Variants in PPP2R5E observed in about 807,000 individuals in gnomAD.
The protein encoded by PPP2R5E is protein phosphatase 2 regulatory subunit B'epsilon, also known as serine/threonine-protein phosphatase 2A 56 kDa regulatory subunit epsilon isoform.
Under a neutral mutation model 65.3 loss-of-function variants are expected in PPP2R5E, and 4 were observed. The observed-to-expected ratio is 0.06, with a 90% CI of 0.03 to 0.14. The LOEUF is 0.14. Among genes scored for constraint, PPP2R5E ranks in the 10% least tolerant of loss-of-function variants. The pLI is 1.00. For missense variants in PPP2R5E, 274 were observed against 556.1 expected (o/e 0.49, Z 5.10); for synonymous variants, 183 against 187.4 (o/e 0.98, Z 0.19).
intron 3 of PPP2R5E, among the ~76,000 whole-genome samples, chr14:63,439,228 T>A (rs1008354110): frequency 6.6e-6 from 1 of 152,214 alleles, no homozygotes; most frequent in African/African-American, 2.4e-5. Flanking sequence ...ACCACAGTGC[T>A]AAGCACTGTT....
chr14:63,408,610 C>T (rs1463190421), intron 5 of PPP2R5E, among the ~76,000 whole-genome samples: 3 of 152,022 alleles, frequency 2.0e-5, no homozygotes, highest in African/African-American at 7.2e-5. Flanking sequence ...TAACTCTAAA[C>T]GTTTCAAGTT....
At chr14:63,389,586 T>C (rs1278877604) in intron 11 of PPP2R5E, 26 bp downstream of exon 11, 1 of 1,578,374 alleles carries the variant, frequency 6.3e-7, no homozygotes, top group Non-Finnish European at 8.6e-7. Flanking sequence ...TCATGCTCCC[T>C]GGCTCATGTC....
In PPP2R5E at chr14:63,419,452, C is replaced by T. The variant is rs188561979; in HGVS notation, c.456+2541G>A. Among the ~76,000 whole-genome samples the T allele has an allele frequency of 1.1e-4, 17 of 152,266 alleles. 1 individual carries two copies. Among genetic ancestry groups the T allele is most frequent in the Admixed American group, 1.1e-3 (17 of 15,304 alleles). On this transcript the variant is annotated intron_variant, in intron 4 of 13. Transcript: ENST00000337537. ...AAATGTTAAACTTCATGATAGGTGA[C>T]TATGACATGAATGACCTATCATGAA...
chr14:63,397,078 G>T (rs942550712), intron 5 of PPP2R5E, among the ~76,000 whole-genome samples: 2 of 152,190 alleles, frequency 1.3e-5, no homozygotes, highest in African/African-American at 4.8e-5. Flanking sequence ...GGCACATAGG[G>T]TTAAGTAACG....
At chr14:63,457,812 G>T (rs1160062260) in intron 2 of PPP2R5E, among the ~76,000 whole-genome samples, 4 of 151,176 alleles carry the variant, frequency 2.6e-5, no homozygotes, top group Non-Finnish European at 4.4e-5. Flanking sequence ...TCACAGCTTG[G>T]TAAGATCCCA....
chr14:63,397,329 C>A (rs1432729019), intron 5 of PPP2R5E, among the ~76,000 whole-genome samples: 1 of 151,896 alleles, frequency 6.6e-6, no homozygotes, highest in Non-Finnish European at 1.5e-5. Context: ...TGGTGAAACC[C>A]CGTCTCTAGT....
At chr14:63,441,189 C>T (rs557470218) in intron 3 of PPP2R5E, among the ~76,000 whole-genome samples, 6 of 148,740 alleles carry the variant, frequency 4.0e-5, no homozygotes, top group Non-Finnish European at 7.5e-5. Context: ...AGAAGGCATA[C>T]GGGTGCTGGC....
chr14:63,503,460 G>A (rs1891998880), intron 2 of PPP2R5E, among the ~76,000 whole-genome samples: 1 of 152,080 alleles, frequency 6.6e-6, no homozygotes, highest in African/African-American at 2.4e-5. Context: ...ATATCCCCCA[G>A]GTAAAAGATA....
At chr14:63,435,113 T>A (rs1337566904) in intron 3 of PPP2R5E, among the ~76,000 whole-genome samples, 2 of 152,180 alleles carry the variant, frequency 1.3e-5, no homozygotes, top group Admixed American at 1.3e-4. Context: ...AAGGGGAATT[T>A]TCTGGGGAGA....
intron 2 of PPP2R5E, among the ~76,000 whole-genome samples, chr14:63,507,576 T>C (rs77709990): frequency 1.2e-5 from 1 of 80,774 alleles, no homozygotes; most frequent in Non-Finnish European, 2.4e-5. Context: ...GGTAATTCTC[T>C]TTTTTTTTTT....
intron 4 of PPP2R5E, 119 bp from the exon 5 acceptor site, chr14:63,415,351 A>ATTT: frequency 1.7e-6 from 1 of 584,590 alleles, no homozygotes; most frequent in Non-Finnish European, 2.8e-6. Context: ...TTTAATATCA[A>ATTT]TCAACAAACC....
intron 4 of PPP2R5E, among the ~76,000 whole-genome samples, chr14:63,417,902 C>G (rs559858950): frequency 6.6e-6 from 1 of 152,248 alleles, no homozygotes; most frequent in East Asian, 1.9e-4. Context: ...TTTGACCTTG[C>G]AGGACATGGA....
chr14:63,477,808 G>A lies in PPP2R5E; in HGVS notation c.158-23923C>T, dbSNP rs563093685. Among the ~76,000 whole-genome samples the A allele has an allele frequency of 2.6e-5, 4 of 151,014 alleles. 1 individual carries two copies. Among genetic ancestry groups the A allele is most frequent in the African/African-American group, 9.7e-5 (4 of 41,264 alleles). Reference sequence around the variant, plus strand: ...CTTCAGCAGCATATATACTAAAACTGGAATGATACAGAGAAGATTAGCATG... The same window carrying A: ...CTTCAGCAGCATATATACTAAAACTAGAATGATACAGAGAAGATTAGCATG... On this transcript the variant is annotated intron_variant, in intron 2 of 13. Transcript: ENST00000337537.
intron 11 of PPP2R5E, among the ~76,000 whole-genome samples, chr14:63,388,403 T>C (rs561649246): frequency 1.3e-5 from 2 of 152,312 alleles, no homozygotes; most frequent in African/African-American, 4.8e-5. Context: ...CCTCCCAAAG[T>C]GCTGGGATCA....
At chr14:63,404,095 G>A (rs1301569739) in intron 5 of PPP2R5E, among the ~76,000 whole-genome samples, 1 of 152,116 alleles carries the variant, frequency 6.6e-6, no homozygotes, top group East Asian at 1.9e-4. Context: ...ATAGGACTCT[G>A]GTTTGGAGAA....
At chr14:63,447,060 T>C (rs1361241853) in intron 3 of PPP2R5E, among the ~76,000 whole-genome samples, 3 of 152,126 alleles carry the variant, frequency 2.0e-5, no homozygotes, top group African/African-American at 4.8e-5. Context: ...TTACAGAGCA[T>C]AGGCAGGGTA....
intron 3 of PPP2R5E, among the ~76,000 whole-genome samples, chr14:63,444,169 T>C (rs1392898537): frequency 2.0e-5 from 3 of 152,194 alleles, no homozygotes; most frequent in Non-Finnish European, 4.4e-5. Flanking sequence ...CCAACACACA[T>C]ATACACATAA....
chr14:63,388,885 G>C (rs1404700174), intron 11 of PPP2R5E, among the ~76,000 whole-genome samples: 1 of 152,190 alleles, frequency 6.6e-6, no homozygotes, highest in East Asian at 1.9e-4. Context: ...CGGGCCTTAG[G>C]TGAGACAGCC....
intron 2 of PPP2R5E, among the ~76,000 whole-genome samples, chr14:63,454,250 C>T (rs191123537): frequency 3.9e-3 from 588 of 152,280 alleles, no homozygotes; most frequent in African/African-American, 0.014. Context: ...AGAAAGCTTT[C>T]GCTGTGGTTT....
Sources: gnomAD v4.1 joint callset for allele counts (sites outside exome capture counted in the v4.1 genomes callset) on GRCh38, gnomAD v4.1.1 for gene constraint, MANE v1.5 for transcripts, NCBI Gene and HGNC (gene_info 2026-07-23, HGNC 2026-07-21) for gene names.